The following PLCE1 variants were observed in gnomAD, a reference collection of about 807,000 sequenced individuals.
The protein encoded by PLCE1 is 1-phosphatidylinositol 4,5-bisphosphate phosphodiesterase epsilon-1.
In PLCE1, 119 loss-of-function variants were observed where a neutral mutation model predicts 242.8. The ratio of observed to expected loss-of-function variants is 0.49; its 90% CI spans 0.42 to 0.57. The LOEUF is 0.57. Among genes scored for constraint, PLCE1 ranks in the 20% least tolerant of loss-of-function variants. The probability of loss-of-function intolerance (pLI) is 0.00; values close to 1 mark genes in which losing one functional copy is unlikely to be tolerated. For synonymous variants in PLCE1, 945 were observed against 1,017.4 expected, an observed-to-expected ratio of 0.93 and a Z score of 1.35; for missense variants, 2,441 against 2,788.8, an observed-to-expected ratio of 0.88 and a Z score of 2.81.
intron 24 of PLCE1, among the ~76,000 whole-genome samples, chr10:94,301,873 T>A (rs1589505212): frequency 6.6e-6 from 1 of 151,872 alleles, no homozygotes; most frequent in Admixed American, 6.6e-5. Flanking sequence ...CTTCTTTTTT[T>A]AAAGAATTTA....
chr10:94,061,232 A>G (rs2044047666), intron 2 of PLCE1, among the ~76,000 whole-genome samples: 1 of 152,234 alleles, frequency 6.6e-6, no homozygotes, highest in African/African-American at 2.4e-5. Context: ...AAGCTCAGGA[A>G]ACCAGTTGTG....
intron 4 of PLCE1, among the ~76,000 whole-genome samples, chr10:94,214,395 G>C (rs1261980078): frequency 6.6e-6 from 1 of 152,176 alleles, no homozygotes. Flanking sequence ...TAGAATTCCA[G>C]TTTTCATCAG....
chr10:94,198,073 CA>C (rs11294965), intron 4 of PLCE1, among the ~76,000 whole-genome samples: 45,388 of 139,568 alleles, frequency 0.33, 8,390 homozygotes, highest in African/African-American at 0.54. Context: ...CACCCCCCAC[CA>C]AAAAAAAAAA....
chr10:94,309,941 G>T (rs2053333993), intron 27 of PLCE1, among the ~76,000 whole-genome samples: 1 of 152,146 alleles, frequency 6.6e-6, no homozygotes, highest in Non-Finnish European at 1.5e-5. Flanking sequence ...CAGAAGGACT[G>T]CTTGAGTCCA....
intron 2 of PLCE1, among the ~76,000 whole-genome samples, chr10:94,051,510 A>T (rs2043766318): frequency 6.6e-6 from 1 of 152,144 alleles, no homozygotes; most frequent in African/African-American, 2.4e-5. Context: ...AGGATACGTC[A>T]TTCAAATAAT....
At position 94,240,825 on chromosome 10, in the gene PLCE1, T is replaced by C. The variant is rs1203059278; in HGVS notation, c.2420+4705T>C. Among the ~76,000 whole-genome samples, 4 of 152,314 alleles carry C rather than the reference T, an allele frequency of 2.6e-5. No individual in the cohort carries two copies. The East Asian group carries it at 7.7e-4, about 29-fold the overall frequency. On this transcript the variant is annotated intron_variant, in intron 7 of 32. Coordinates refer to ENST00000371380, the MANE Select transcript of PLCE1 (RefSeq NM_016341.4). ...CTTCTATTTTTACTCCTTGGTCCTC[T>C]CCTTAAGGCATACAACCTGAGTTTG...
intron 4 of PLCE1, among the ~76,000 whole-genome samples, chr10:94,194,678 T>A (rs750321087): frequency 8.5e-5 from 13 of 152,224 alleles, no homozygotes; most frequent in Non-Finnish European, 1.6e-4. Context: ...ACTATTGTAT[T>A]CTTCAGTCTC....
At position 94,031,512 on chromosome 10, in the gene PLCE1, C is replaced by G. The variant is rs1283949487; in HGVS notation, c.466C>G (p.Leu156Val). The change falls in exon 2 of 33, where the codon CTA becomes GTA. Residue 156 changes from leucine (L) to valine (V), a missense_variant. By Grantham distance (32) the Leu-to-Val change is conservative (BLOSUM62 1). Coordinates refer to ENST00000371380, the MANE Select transcript of PLCE1 (RefSeq NM_016341.4). Reference sequence around the variant, plus strand: ...GGTGTTCCCTGGAATTCAACTGGAACTAGACAGACCTTCCATGGGCATTAG... The same window carrying G: ...GGTGTTCCCTGGAATTCAACTGGAAGTAGACAGACCTTCCATGGGCATTAG... ...RKVFPGIQLE[L>V]DRPSMGISPL... 3.7e-6 allele frequency: 6 copies of G among 1,612,612 alleles called. No individual in the cohort carries two copies. The highest frequency in any genetic ancestry group is 5.1e-6 in the Non-Finnish European group (6 of 1,179,870).
chr10:94,032,691 G>T (rs1433621393), intron 2 of PLCE1, among the ~76,000 whole-genome samples: 1 of 151,692 alleles, frequency 6.6e-6, no homozygotes, highest in South Asian at 2.1e-4. Context: ...ACTTTTTTAT[G>T]CCCTGGATTC....
Position 94,163,856 on chromosome 10 carries a change from T to A in PLCE1, c.1493-7324T>A, listed in dbSNP as rs573844799. The stretch of plus-strand genomic sequence containing the variant: ...AGCTCTTTTAGGGTAGGCCTGGTGG[T>A]GACAAAATCTCTTAGCATTTGCTTA... On this transcript the variant is annotated intron_variant, in intron 3 of 32. Transcript: ENST00000371380. Among the ~76,000 whole-genome samples, 5 of 152,308 alleles carry A rather than the reference T, an allele frequency of 3.3e-5. 1 individual carries two copies. The highest frequency in any genetic ancestry group is 1.2e-4 in the African/African-American group (5 of 41,572).
chr10:94,181,854 C>G (rs542139517), intron 4 of PLCE1, among the ~76,000 whole-genome samples: 2 of 152,240 alleles, frequency 1.3e-5, no homozygotes, highest in African/African-American at 4.8e-5. Flanking sequence ...GGAATTGAGG[C>G]TGCAGTGAGG....
chr10:94,265,900 A>G lies in PLCE1; in HGVS notation c.4223A>G (p.Asn1408Ser). 1.2e-6 allele frequency: 2 copies of G among 1,614,090 alleles called. No individual in the cohort carries two copies. Among genetic ancestry groups the G allele is most frequent in the Non-Finnish European group, 8.5e-7 (1 of 1,179,964 alleles). ...TACTATTACATCGAATCTTCGCACAATACCTACCTCACGGGCCATCAGCTC... is the reference window on the plus strand; with the variant it reads ...TACTATTACATCGAATCTTCGCACAGTACCTACCTCACGGGCCATCAGCTC... ...LSYYYIESSH[N>S]TYLTGHQLKG... Residue 1408 changes from asparagine (N) to serine (S), a missense_variant, in exon 16 of 33, where the codon AAT becomes AGT. Asn to Ser is a conservative substitution (Grantham distance 46, BLOSUM62 1). Transcript: ENST00000371380.
At chr10:94,006,001 G>T (rs1223508835) in intron 1 of PLCE1, among the ~76,000 whole-genome samples, 1 of 152,184 alleles carries the variant, frequency 6.6e-6, no homozygotes, top group Non-Finnish European at 1.5e-5. Context: ...TTGTACAAAT[G>T]GGAATTCCTG....
At chr10:94,116,616 A>G (rs1239545637) in intron 2 of PLCE1, among the ~76,000 whole-genome samples, 1 of 152,088 alleles carries the variant, frequency 6.6e-6, no homozygotes, top group Non-Finnish European at 1.5e-5. Flanking sequence ...AATTGCTTGA[A>G]CCTGGGAGGC....
chr10:94,215,766 G>T (rs1320191887), intron 4 of PLCE1, among the ~76,000 whole-genome samples: 2 of 152,076 alleles, frequency 1.3e-5, no homozygotes, highest in South Asian at 2.1e-4. Flanking sequence ...TTCGAGAAGG[G>T]CCGAGACAGA....
In PLCE1 at chr10:94,171,200, G is replaced by T. The variant is rs780803829; in HGVS notation, c.1513G>T (p.Val505Leu). 2.8e-5 allele frequency: 46 copies of T among 1,614,074 alleles called. No homozygotes were observed. The South Asian group carries it at 4.9e-4, about 17-fold the overall frequency. ...TTTAGAACGCCAGCCAGGCCCCTCT[G>T]TGGCCAATTCCAATGCCCTCCCTTC... ...MLKERQPGPSVANSNALPSSS... is the reference protein window; with the variant it reads ...MLKERQPGPSLANSNALPSSS... Residue 505 changes from valine (V) to leucine (L), a missense_variant, in exon 4 of 33, where the codon GTG becomes TTG. Coordinates refer to ENST00000371380, the MANE Select transcript of PLCE1 (RefSeq NM_016341.4).
chr10:94,295,891 C>T (rs1238921950), intron 23 of PLCE1, among the ~76,000 whole-genome samples: 3 of 152,106 alleles, frequency 2.0e-5, no homozygotes, highest in Admixed American at 2.0e-4. Flanking sequence ...CTTAAGGGCC[C>T]TAAGGATTTT....
intron 1 of PLCE1, among the ~76,000 whole-genome samples, chr10:94,011,366 C>T (rs2061163116): frequency 6.6e-6 from 1 of 152,162 alleles, no homozygotes; most frequent in South Asian, 2.1e-4. Flanking sequence ...GAGGAATACA[C>T]TCCATGATAC....
At chr10:94,091,682 G>A (rs1011446816) in intron 2 of PLCE1, among the ~76,000 whole-genome samples, 1 of 152,136 alleles carries the variant, frequency 6.6e-6, no homozygotes, top group Admixed American at 6.5e-5. Flanking sequence ...GAGTATTAGA[G>A]TAGTGAAGAA....
Sources: allele counts gnomAD v4.1 joint callset (sites outside exome capture counted in the v4.1 genomes callset), GRCh38; gene constraint gnomAD v4.1.1; transcripts MANE v1.5; gene names NCBI Gene and HGNC (gene_info 2026-07-23, HGNC 2026-07-21).